SPOCK3: variants seen among roughly 807,000 people sequenced by gnomAD.
The protein encoded by SPOCK3 is testican-3.
In SPOCK3, 30 loss-of-function variants were observed where a neutral mutation model predicts 56.6. The ratio of observed to expected loss-of-function variants is 0.53; its 90% CI spans 0.40 to 0.72. The LOEUF is 0.72. Among genes scored for constraint, SPOCK3 ranks in the 30% least tolerant of loss-of-function variants. The pLI, the probability that SPOCK3 is intolerant of heterozygous loss-of-function variation, is 0.00. For missense variants in SPOCK3, 527 were observed against 530.0 expected (o/e 0.99, Z 0.06); for synonymous variants, 196 against 183.3 (o/e 1.07, Z -0.56).
At chr4:166,896,079 A>G (rs1239325517) in intron 5 of SPOCK3, among the ~76,000 whole-genome samples, 2 of 152,170 alleles carry the variant, frequency 1.3e-5, no homozygotes, top group African/African-American at 4.8e-5. Context: ...CAGAGCAGTT[A>G]GAACATTATT....
intron 7 of SPOCK3, among the ~76,000 whole-genome samples, chr4:166,790,418 C>A (rs1301372412): frequency 1.3e-5 from 2 of 152,188 alleles, no homozygotes; most frequent in Admixed American, 1.3e-4. Context: ...CCGAGGGACC[C>A]AGCCATTTCT....
At chr4:166,750,274 C>A (rs1736206300) in intron 8 of SPOCK3, among the ~76,000 whole-genome samples, 1 of 152,012 alleles carries the variant, frequency 6.6e-6, no homozygotes, top group South Asian at 2.1e-4. Flanking sequence ...AATAACTGAT[C>A]TAGATAAAAG....
At chr4:167,143,411 A>G (rs1157072490) in intron 2 of SPOCK3, among the ~76,000 whole-genome samples, 1 of 151,974 alleles carries the variant, frequency 6.6e-6, no homozygotes, top group Non-Finnish European at 1.5e-5. Context: ...AATATTTTTT[A>G]TTACAAATTA....
intron 6 of SPOCK3, among the ~76,000 whole-genome samples, chr4:166,820,576 C>A (rs1744827721): frequency 6.6e-6 from 1 of 151,874 alleles, no homozygotes; most frequent in African/African-American, 2.4e-5. Flanking sequence ...TAAAACCTAG[C>A]ACTTTGGGAG....
intron 2 of SPOCK3, among the ~76,000 whole-genome samples, chr4:167,190,838 A>G (rs1343485359): frequency 6.9e-6 from 1 of 145,716 alleles, no homozygotes; most frequent in Non-Finnish European, 1.5e-5. Flanking sequence ...TTTGTATATC[A>G]AGTTTTACTA....
At chr4:166,880,771 A>G (rs896349179) in intron 6 of SPOCK3, among the ~76,000 whole-genome samples, 4 of 152,048 alleles carry the variant, frequency 2.6e-5, no homozygotes, top group Non-Finnish European at 4.4e-5. Flanking sequence ...TCTGCTTCCT[A>G]TCTCTAATAT....
chr4:166,895,166 G>T (rs1735239259), intron 5 of SPOCK3, among the ~76,000 whole-genome samples: 1 of 151,598 alleles, frequency 6.6e-6, no homozygotes, highest in Non-Finnish European at 1.5e-5. Context: ...ATAAAAATAG[G>T]TTGTTTAATT....
chr4:167,177,037 G>T (rs964559241), intron 2 of SPOCK3, among the ~76,000 whole-genome samples: 1 of 152,096 alleles, frequency 6.6e-6, no homozygotes, highest in Non-Finnish European at 1.5e-5. Flanking sequence ...CATTAACAAG[G>T]CAGTATTCCA....
At chr4:166,793,094 T>C (rs1741522634) in intron 6 of SPOCK3, among the ~76,000 whole-genome samples, 1 of 152,192 alleles carries the variant, frequency 6.6e-6, no homozygotes, top group Admixed American at 6.5e-5. Context: ...TGAAAGCCAC[T>C]AATTTACATT....
intron 2 of SPOCK3, among the ~76,000 whole-genome samples, chr4:167,163,353 AT>A (rs1472128077): frequency 6.6e-6 from 1 of 151,824 alleles, no homozygotes; most frequent in Non-Finnish European, 1.5e-5. Context: ...TACATGCTAT[AT>A]TTTGACTTAG....
chr4:167,131,341 A>T (rs1762679616), intron 2 of SPOCK3, among the ~76,000 whole-genome samples: 1 of 152,170 alleles, frequency 6.6e-6, no homozygotes, highest in Non-Finnish European at 1.5e-5. Flanking sequence ...GAATCCCAGC[A>T]TTTTGGGAGG....
intron 2 of SPOCK3, among the ~76,000 whole-genome samples, chr4:167,232,795 T>C (rs1580705682): frequency 6.6e-6 from 1 of 152,316 alleles, no homozygotes; most frequent in East Asian, 1.9e-4. Flanking sequence ...AATTTGTGTT[T>C]CTTCAGGAAT....
chr4:166,891,112 T>C (rs1734730232), intron 5 of SPOCK3, among the ~76,000 whole-genome samples: 1 of 151,996 alleles, frequency 6.6e-6, no homozygotes. Context: ...TGGTAAATCT[T>C]CCTCCATCCA....
intron 6 of SPOCK3, among the ~76,000 whole-genome samples, chr4:166,835,537 C>G (rs1289516732): frequency 6.6e-6 from 1 of 152,016 alleles, no homozygotes; most frequent in Non-Finnish European, 1.5e-5. Context: ...GAAACCTTCA[C>G]TATTCCTCTT....
At chr4:166,898,213 A>T (rs767018832) in intron 5 of SPOCK3, among the ~76,000 whole-genome samples, 2 of 152,140 alleles carry the variant, frequency 1.3e-5, no homozygotes, top group African/African-American at 4.8e-5. Context: ...AAGAAAAAAA[A>T]ATATTTTTCA....
intron 6 of SPOCK3, among the ~76,000 whole-genome samples, chr4:166,831,402 T>C (rs1382370535): frequency 6.6e-6 from 1 of 152,202 alleles, no homozygotes; most frequent in East Asian, 1.9e-4. Context: ...AGTGAAGATA[T>C]CTGGGTCTGG....
In SPOCK3 at chr4:167,172,365, C is replaced by G. The variant is rs146672267; in HGVS notation, c.189+61620G>C. ...CAGTTTGGAAGTAAATAATCAAATA[C>G]CATTTTTCATACCCAACAGAGAGTC... On this transcript the variant is annotated intron_variant, in intron 2 of 10. Coordinates refer to ENST00000357545, the MANE Select transcript of SPOCK3 (RefSeq NM_001040159.2). Among the ~76,000 whole-genome samples the G allele has an allele frequency of 2.8e-3, 425 of 152,228 alleles. 1 individual carries two copies. Among genetic ancestry groups the G allele is most frequent in the African/African-American group, 9.7e-3 (402 of 41,536 alleles).
At chr4:167,133,728 A>G (rs1762875309) in intron 2 of SPOCK3, among the ~76,000 whole-genome samples, 1 of 152,194 alleles carries the variant, frequency 6.6e-6, no homozygotes, top group Non-Finnish European at 1.5e-5. Context: ...GATGCCTGTG[A>G]TTCATGCTGC....
intron 3 of SPOCK3, among the ~76,000 whole-genome samples, chr4:167,033,124 A>G (rs933116777): frequency 2.6e-5 from 4 of 151,860 alleles, no homozygotes; most frequent in African/African-American, 9.7e-5. Context: ...TGACATCATC[A>G]TTATCATAAA....
Sources: gnomAD v4.1 joint callset for allele counts (sites outside exome capture counted in the v4.1 genomes callset) on GRCh38, gnomAD v4.1.1 for gene constraint, MANE v1.5 for transcripts, NCBI Gene and HGNC (gene_info 2026-07-23, HGNC 2026-07-21) for gene names.